Variants in SGCD observed in about 807,000 individuals in gnomAD.
The protein encoded by SGCD is sarcoglycan delta, also known as delta-sarcoglycan.
Under a neutral mutation model 36.6 loss-of-function variants are expected in SGCD, and 18 were observed. The observed-to-expected ratio is 0.49, with a 90% confidence interval of 0.34 to 0.73. SGCD has a LOEUF of 0.73. SGCD is among the 30% of genes least tolerant of loss of function. SGCD has a pLI of 0.01. For missense variants in SGCD, 387 were observed against 346.7 expected, an observed-to-expected ratio of 1.12 and a Z score of -0.92; for synonymous variants, 133 against 130.6, an observed-to-expected ratio of 1.02 and a Z score of -0.12.
At chr5:155,940,489 T>A (rs1757299762) in intron 1 of SGCD, among the ~76,000 whole-genome samples, 1 of 152,174 alleles carries the variant, frequency 6.6e-6, no homozygotes, top group Non-Finnish European at 1.5e-5. Context: ...AAAGTCTGCA[T>A]CATTTGGGCT....
intron 3 of SGCD, among the ~76,000 whole-genome samples, chr5:156,198,592 G>A (rs1380317476): frequency 1.3e-5 from 2 of 152,070 alleles, no homozygotes; most frequent in African/African-American, 4.8e-5. Flanking sequence ...CTTTACTCTA[G>A]CACTCTTAAA....
At chr5:156,254,033 C>A (rs372384095) in intron 3 of SGCD, among the ~76,000 whole-genome samples, 1 of 152,256 alleles carries the variant, frequency 6.6e-6, no homozygotes, top group East Asian at 1.9e-4. Flanking sequence ...TCTATATAAA[C>A]AATTATATCA....
intron 3 of SGCD, among the ~76,000 whole-genome samples, chr5:156,228,677 A>T (rs1248350720): frequency 6.6e-6 from 1 of 152,168 alleles, no homozygotes; most frequent in Non-Finnish European, 1.5e-5. Context: ...TCCATTGATC[A>T]TGCTATTTGT....
chr5:156,043,986 A>C (rs2127579004), intron 1 of SGCD, among the ~76,000 whole-genome samples: 1 of 152,202 alleles, frequency 6.6e-6, no homozygotes, highest in Admixed American at 6.5e-5. Flanking sequence ...AGCATCCTAC[A>C]ATCTTCTAGG....
chr5:156,087,203 GGAAAT>G (rs1238253067), intron 1 of SGCD, among the ~76,000 whole-genome samples: 1 of 152,124 alleles, frequency 6.6e-6, no homozygotes, highest in African/African-American at 2.4e-5. Flanking sequence ...TTGATCTAGT[GGAAAT>G]GTAGGGTCAG....
intron 4 of SGCD, among the ~76,000 whole-genome samples, chr5:156,524,685 C>T (rs1757572257): frequency 1.3e-5 from 2 of 151,858 alleles, no homozygotes; most frequent in East Asian, 1.9e-4. Flanking sequence ...ATTAGGTCTC[C>T]AGAACTTATT....
intron 4 of SGCD, among the ~76,000 whole-genome samples, chr5:156,562,898 AT>A (rs891078097): frequency 2.0e-5 from 3 of 151,860 alleles, no homozygotes; most frequent in South Asian, 2.1e-4. Flanking sequence ...ATTACCTTCC[AT>A]TTTTTGGATT....
chr5:156,342,543 C>A (rs904868732), intron 2 of SGCD, among the ~76,000 whole-genome samples: 2 of 152,188 alleles, frequency 1.3e-5, no homozygotes, highest in African/African-American at 4.8e-5. Context: ...TTATTTCAGG[C>A]TTATAAAGCA....
At chr5:156,476,706 TTC>T (rs1755197137) in intron 3 of SGCD, among the ~76,000 whole-genome samples, 1 of 152,168 alleles carries the variant, frequency 6.6e-6, no homozygotes, top group South Asian at 2.1e-4. Context: ...CCCAAACCTC[TTC>T]AGCAAGATCA....
intron 6 of SGCD, among the ~76,000 whole-genome samples, chr5:156,628,025 C>T (rs1302169025): frequency 6.6e-6 from 1 of 152,088 alleles, no homozygotes; most frequent in Non-Finnish European, 1.5e-5. Flanking sequence ...AAGCATGATC[C>T]TGGCATCTGC....
intron 7 of SGCD, among the ~76,000 whole-genome samples, chr5:156,750,920 C>A (rs772545524): frequency 6.6e-6 from 1 of 152,072 alleles, no homozygotes; most frequent in African/African-American, 2.4e-5. Flanking sequence ...TGAAATACAT[C>A]AAATAAAACA....
At chr5:155,834,998 G>A in the SGCD span, among the ~76,000 whole-genome samples, 1 of 58,834 alleles carries the variant, frequency 1.7e-5, no homozygotes, top group Non-Finnish European at 3.5e-5. Flanking sequence ...ACCATGCCCA[G>A]CTAATTTTTT....
intron 6 of SGCD, among the ~76,000 whole-genome samples, chr5:156,597,473 A>G (rs931465534): frequency 6.6e-6 from 1 of 152,216 alleles, no homozygotes; most frequent in Non-Finnish European, 1.5e-5. Flanking sequence ...ACTGCCCTTT[A>G]TGCAACCATC....
Position 156,761,709 on chromosome 5 carries a change from C to T in SGCD, c.*2319C>T, listed in dbSNP as rs1031670412. The stretch of plus-strand genomic sequence containing the variant: ...ACAAAAAAGCAAAAAGTTCCCAGAA[C>T]GTTTTTGCTTAGATTTTGTTCTAAT... On this transcript the variant is annotated 3_prime_UTR_variant, in exon 9 of 9. Coordinates refer to ENST00000337851, the MANE Select transcript of SGCD (RefSeq NM_000337.6). The T allele has an allele frequency of 6.6e-6, 1 of 152,136 alleles. No individual in the cohort carries two copies. Among genetic ancestry groups the T allele is most frequent in the African/African-American group, 2.4e-5 (1 of 41,434 alleles). The allele number at this position is 152,136 out of a possible 1,614,324, so 9.4% of individuals were successfully genotyped here.
the SGCD span, among the ~76,000 whole-genome samples, chr5:155,801,220 TA>T: frequency 0.041 from 6,250 of 151,860 alleles, 395 homozygotes; most frequent in African/African-American, 0.14. Flanking sequence ...TGTATCTGGT[TA>T]AAAAAAACAA....
chr5:155,840,957 G>A, the SGCD span, among the ~76,000 whole-genome samples: 1 of 128,666 alleles, frequency 7.8e-6, no homozygotes, highest in South Asian at 2.7e-4. Context: ...GTTGTAGTGA[G>A]TCAAGATCGC....
intron 6 of SGCD, among the ~76,000 whole-genome samples, chr5:156,608,510 T>C (rs1761599745): frequency 6.6e-6 from 1 of 152,242 alleles, no homozygotes; most frequent in Non-Finnish European, 1.5e-5. Context: ...CTGAGAAGAA[T>C]GTATATTCTG....
At chr5:156,393,572 G>C (rs62380729) in intron 3 of SGCD, among the ~76,000 whole-genome samples, 1 of 152,080 alleles carries the variant, frequency 6.6e-6, no homozygotes, top group African/African-American at 2.4e-5. Flanking sequence ...GCGTGCTCCT[G>C]TGCATCTCTT....
chr5:155,963,571 G>A (rs927410995), intron 1 of SGCD, among the ~76,000 whole-genome samples: 18 of 151,956 alleles, frequency 1.2e-4, no homozygotes, highest in African/African-American at 3.6e-4. Flanking sequence ...TTTATTCCAC[G>A]TATTGCCTTA....
Sources: allele counts gnomAD v4.1 joint callset (sites outside exome capture counted in the v4.1 genomes callset), GRCh38; gene constraint gnomAD v4.1.1; transcripts MANE v1.5; gene names NCBI Gene and HGNC (gene_info 2026-07-23, HGNC 2026-07-21).